Variants in MSH3 observed in about 807,000 individuals in gnomAD.
MSH3 encodes DNA mismatch repair protein Msh3.
A neutral mutation model predicts 123.3 loss-of-function variants in MSH3; 106 were observed. The ratio of observed to expected loss-of-function variants is 0.86; its 90% CI spans 0.73 to 1.01. MSH3 has a LOEUF of 1.01. MSH3 is among the 50% of genes least tolerant of loss of function. The probability of loss-of-function intolerance (pLI) is 0.00; values close to 1 mark genes in which losing one functional copy is unlikely to be tolerated. For synonymous variants in MSH3, 515 were observed against 481.4 expected, an observed-to-expected ratio of 1.07 and a Z score of -0.91; for missense variants, 1,459 against 1,347.6, an observed-to-expected ratio of 1.08 and a Z score of -1.29.
intron 15 of MSH3, among the ~76,000 whole-genome samples, chr5:80,775,232 G>A (rs1744277940): frequency 6.6e-6 from 1 of 152,122 alleles, no homozygotes; most frequent in African/African-American, 2.4e-5. Flanking sequence ...CAGGATTTCA[G>A]TTCCTTGGAT....
At chr5:80,823,042 G>A (rs1473192819) in intron 20 of MSH3, among the ~76,000 whole-genome samples, 1 of 152,138 alleles carries the variant, frequency 6.6e-6, no homozygotes, top group African/African-American at 2.4e-5. Context: ...GGTGGGTAGT[G>A]TTATGTGGAA....
chr5:80,699,995 A>T (rs751550705), intron 8 of MSH3, among the ~76,000 whole-genome samples: 29 of 152,230 alleles, frequency 1.9e-4, no homozygotes, highest in Non-Finnish European at 3.4e-4. Flanking sequence ...AGAGCAGAAG[A>T]TAAATATAAA....
At chr5:80,664,356 G>A (rs6151604) in intron 2 of MSH3, among the ~76,000 whole-genome samples, 34,554 of 152,056 alleles carry the variant, frequency 0.23, 4,130 homozygotes, top group Non-Finnish European at 0.27. Context: ...AAGTCTTTCC[G>A]CTTGAGCTAG....
At chr5:80,715,541 T>C (rs1750941974) in intron 8 of MSH3, 1 of 152,350 alleles carries the variant, frequency 6.6e-6, no homozygotes, top group African/African-American at 2.4e-5. Context: ...ATTTTAGATG[T>C]GCTCTGTTGT....
chr5:80,697,897 TCAAA>T (rs1420397086), intron 8 of MSH3, among the ~76,000 whole-genome samples: 2 of 152,194 alleles, frequency 1.3e-5, no homozygotes, highest in African/African-American at 4.8e-5. Context: ...TTTTTTTATA[TCAAA>T]CAAATCGATG....
chr5:80,832,002 C>T (rs953285237), intron 20 of MSH3, among the ~76,000 whole-genome samples: 2 of 151,966 alleles, frequency 1.3e-5, no homozygotes, highest in South Asian at 2.1e-4. Flanking sequence ...CCCAGCTACT[C>T]GGGAGGCTGA....
At chr5:80,664,951 T>G (rs1216834320) in intron 2 of MSH3, among the ~76,000 whole-genome samples, 192 bp from the exon 3 acceptor site, 6 of 152,206 alleles carry the variant, frequency 3.9e-5, no homozygotes, top group Non-Finnish European at 5.9e-5. Flanking sequence ...TGAGTGAAAT[T>G]GCATCTGTGT....
intron 8 of MSH3, among the ~76,000 whole-genome samples, chr5:80,715,569 C>G (rs1580581059): frequency 6.6e-6 from 1 of 151,818 alleles, no homozygotes; most frequent in Non-Finnish European, 1.5e-5. Flanking sequence ...TGTTCTTGCA[C>G]TGCTATAAAG....
intron 3 of MSH3, among the ~76,000 whole-genome samples, chr5:80,668,186 TTGGCCGAGTC>T (rs1320891185): frequency 6.6e-6 from 1 of 152,136 alleles, no homozygotes; most frequent in Non-Finnish European, 1.5e-5. Flanking sequence ...CTCTTCAAGT[TTGGCCGAGTC>T]TGGGGATTTG....
In MSH3 at chr5:80,864,793, A is replaced by G. The variant is rs1193226227; in HGVS notation, c.3001-20A>G. ...AAAATTTAAAAATGAAATAACATTT[A>G]TTCTGTCTTATTGCTTTAGGTGAAA... is the stretch of plus-strand genomic sequence containing the variant. On this transcript the variant is annotated intron_variant, in intron 21 of 23. Coordinates refer to ENST00000265081, the MANE Select transcript of MSH3 (RefSeq NM_002439.5). The G allele has an allele frequency of 2.5e-6, 4 of 1,596,910 alleles. No individual in the cohort carries two copies. Among genetic ancestry groups the G allele is most frequent in the Non-Finnish European group, 3.4e-6 (4 of 1,164,734 alleles).
At chr5:80,851,848 C>G (rs1488470301) in intron 20 of MSH3, among the ~76,000 whole-genome samples, 2 of 152,012 alleles carry the variant, frequency 1.3e-5, no homozygotes, top group African/African-American at 4.8e-5. Flanking sequence ...TCATCCTTTC[C>G]CTATTAATTT....
At position 80,859,860 on chromosome 5, in the gene MSH3, A is replaced by G. The variant is rs560458266; in HGVS notation, c.3001-4953A>G. Among the ~76,000 whole-genome samples, 8 of 151,742 alleles carry G rather than the reference A, an allele frequency of 5.3e-5. No individual in the cohort carries two copies. In the East Asian group the frequency reaches 1.6e-3, roughly 29 times the overall value. On this transcript the variant is annotated intron_variant, in intron 21 of 23. Coordinates refer to ENST00000265081, the MANE Select transcript of MSH3 (RefSeq NM_002439.5). ...CCCAGGTAGCTGGGAGTACAGGTGC[A>G]TGGCACTGTGCCCAGCTATTTTCTC...
intron 15 of MSH3, among the ~76,000 whole-genome samples, chr5:80,771,477 CAA>C (rs61460666): frequency 8.4e-4 from 83 of 99,336 alleles, no homozygotes; most frequent in Middle Eastern, 5.5e-3. Flanking sequence ...AACCCTGTCT[CAA>C]AAAAAAAAAA....
At chr5:80,847,818 G>C (rs755670264) in intron 20 of MSH3, among the ~76,000 whole-genome samples, 20 of 152,188 alleles carry the variant, frequency 1.3e-4, no homozygotes, top group Non-Finnish European at 2.5e-4. Context: ...TATTTGAGCA[G>C]CTTTCAACTG....
chr5:80,765,057 A>G (rs1744100742), intron 13 of MSH3, among the ~76,000 whole-genome samples: 1 of 152,170 alleles, frequency 6.6e-6, no homozygotes, highest in African/African-American at 2.4e-5. Context: ...AGGAGCAGCC[A>G]CTTACCCATC....
intron 8 of MSH3, among the ~76,000 whole-genome samples, chr5:80,704,494 G>A (rs1750676674): frequency 6.6e-6 from 1 of 152,148 alleles, no homozygotes; most frequent in South Asian, 2.1e-4. Flanking sequence ...TCTCTTTGTG[G>A]CTTAGGGTAT....
intron 9 of MSH3, among the ~76,000 whole-genome samples, chr5:80,726,128 C>T (rs1295642849): frequency 6.6e-6 from 1 of 152,166 alleles, no homozygotes; most frequent in Non-Finnish European, 1.5e-5. Context: ...TTGTCTAATT[C>T]ACATGTCCAC....
At chr5:80,789,901 C>G (rs1338029260) in intron 18 of MSH3, among the ~76,000 whole-genome samples, 11 of 152,040 alleles carry the variant, frequency 7.2e-5, no homozygotes. Flanking sequence ...GATGTTCAAT[C>G]TTAGTAATCA....
chr5:80,789,404 T>C (rs1744570272), intron 18 of MSH3, among the ~76,000 whole-genome samples: 1 of 150,158 alleles, frequency 6.7e-6, no homozygotes, highest in East Asian at 2.0e-4. Context: ...AGAGTCTCAC[T>C]CTGTGGCCCA....
Sources: allele counts gnomAD v4.1 joint callset (sites outside exome capture counted in the v4.1 genomes callset), GRCh38; gene constraint gnomAD v4.1.1; transcripts MANE v1.5; gene names NCBI Gene and HGNC (gene_info 2026-07-23, HGNC 2026-07-21).